DLG2: variants seen among roughly 807,000 people sequenced by gnomAD.
DLG2 encodes the protein discs large MAGUK scaffold protein 2.
A neutral mutation model predicts 132.5 loss-of-function variants in DLG2; 45 were observed. The ratio of observed to expected loss-of-function variants is 0.34; its 90% CI spans 0.27 to 0.44. The LOEUF is 0.44. DLG2 is among the 20% of genes least tolerant of loss of function. The probability of loss-of-function intolerance (pLI) is 1.00; values close to 1 mark genes in which losing one functional copy is unlikely to be tolerated. For synonymous variants in DLG2, 424 were observed against 419.6 expected, an observed-to-expected ratio of 1.01 and a Z score of -0.13; for missense variants, 1,045 against 1,196.9, an observed-to-expected ratio of 0.87 and a Z score of 1.87.
chr11:85,624,339 T>A (rs1343863522), intron 2 of DLG2, among the ~76,000 whole-genome samples: 1 of 152,194 alleles, frequency 6.6e-6, no homozygotes, highest in Non-Finnish European at 1.5e-5. Flanking sequence ...TTGACAAAAA[T>A]ATACTAACTA....
chr11:83,639,449 T>C (rs66758862), intron 18 of DLG2, among the ~76,000 whole-genome samples: 54,437 of 151,884 alleles, frequency 0.36, 10,791 homozygotes, highest in African/African-American at 0.53. Context: ...GAGTTCATGT[T>C]CTTTGCAGGG....
intron 3 of DLG2, among the ~76,000 whole-genome samples, chr11:85,469,882 C>G (rs561006906): frequency 6.6e-6 from 1 of 152,282 alleles, no homozygotes; most frequent in African/African-American, 2.4e-5. Flanking sequence ...ATATGACCCA[C>G]CTAAATCAAA....
At chr11:84,274,515 T>C (rs2154366482) in intron 7 of DLG2, among the ~76,000 whole-genome samples, 1 of 152,342 alleles carries the variant, frequency 6.6e-6, no homozygotes, top group South Asian at 2.1e-4. Flanking sequence ...CCCTGTATTA[T>C]TTTTGGAAGA....
chr11:84,612,306 A>AT (rs549453907), intron 6 of DLG2, among the ~76,000 whole-genome samples: 15 of 149,834 alleles, frequency 1.0e-4, no homozygotes, highest in East Asian at 9.7e-4. Context: ...AAGTGTCACA[A>AT]TTTTTTTTTT....
intron 15 of DLG2, among the ~76,000 whole-genome samples, chr11:83,877,665 T>C (rs924743059): frequency 1.3e-5 from 2 of 152,216 alleles, no homozygotes; most frequent in Admixed American, 6.5e-5. Context: ...TCTCCTAGCA[T>C]GTAGATTTGG....
chr11:83,724,476 T>TGTGTGAGAGA lies in DLG2; in HGVS notation c.1825+62213_1825+62214insTCTCTCACAC, dbSNP rs762050933. 6.3e-3 allele frequency among the ~76,000 whole-genome samples: 741 copies of TGTGTGAGAGA among 118,200 alleles called. 6 individuals carry two copies. The highest frequency in any genetic ancestry group is 0.024 in the Middle Eastern group (5 of 208). The allele number at this position is 118,200 out of a possible 152,430, so 77.5% of individuals were successfully genotyped here. A position where few individuals can be genotyped will look rare whatever the true frequency, so the allele number is the denominator to read the frequency against. ...CTCTCTCCGTGTGTGTGTGTGTGTG[T>TGTGTGAGAGA]GAGAGAGAGAGAGAGAGAGAGAGAG... On this transcript the variant is annotated intron_variant, in intron 18 of 27. Coordinates refer to ENST00000376104, the MANE Select transcript of DLG2 (RefSeq NM_001142699.3).
At chr11:85,125,109 C>T (rs544198605) in intron 5 of DLG2, among the ~76,000 whole-genome samples, 198 of 152,288 alleles carry the variant, frequency 1.3e-3, no homozygotes, top group African/African-American at 4.6e-3. Context: ...GGATTACAGG[C>T]GTGAGCCACC....
intron 7 of DLG2, among the ~76,000 whole-genome samples, chr11:84,377,967 A>C (rs2098735722): frequency 6.6e-6 from 1 of 152,216 alleles, no homozygotes; most frequent in South Asian, 2.1e-4. Flanking sequence ...AAGAGTCAGA[A>C]TAAAGATTCC....
chr11:85,131,917 G>C (rs892806278), intron 5 of DLG2, among the ~76,000 whole-genome samples: 34 of 152,170 alleles, frequency 2.2e-4, no homozygotes, highest in African/African-American at 7.9e-4. Flanking sequence ...AAAAAGATAT[G>C]GTTCAAATTA....
intron 7 of DLG2, among the ~76,000 whole-genome samples, chr11:84,430,208 C>G (rs1273367711): frequency 6.6e-6 from 1 of 152,016 alleles, no homozygotes; most frequent in Non-Finnish European, 1.5e-5. Flanking sequence ...GAGTCCAAGG[C>G]AGGTAGATCA....
Position 83,742,210 on chromosome 11 carries a change from A to AACACACACACAC in DLG2, c.1825+44468_1825+44479dup, listed in dbSNP as rs67195725. On this transcript the variant is annotated intron_variant, in intron 18 of 27. Coordinates refer to ENST00000376104, the MANE Select transcript of DLG2 (RefSeq NM_001142699.3). The stretch of plus-strand genomic sequence containing the variant: ...AGAGAGTAAATTTTACCACACTTTT[A>AACACACACACAC]ACACACACACACACACACACACACA... Among the ~76,000 whole-genome samples the AACACACACACAC allele has an allele frequency of 6.3e-3, 927 of 147,092 alleles. 12 individuals are homozygous for AACACACACACAC. Among genetic ancestry groups the AACACACACACAC allele is most frequent in the African/African-American group, 0.018 (734 of 39,974 alleles).
At chr11:85,039,774 C>A (rs1273063970) in intron 6 of DLG2, among the ~76,000 whole-genome samples, 1 of 151,812 alleles carries the variant, frequency 6.6e-6, no homozygotes, top group East Asian at 1.9e-4. Context: ...CACTATAAGC[C>A]CCTTGATGGT....
intron 3 of DLG2, among the ~76,000 whole-genome samples, chr11:85,294,342 C>T (rs2079091714): frequency 6.9e-6 from 1 of 144,890 alleles, no homozygotes; most frequent in African/African-American, 2.5e-5. Flanking sequence ...TATCCAGTAA[C>T]ATTTGTAAAA....
chr11:85,157,854 C>G (rs1396241147), intron 4 of DLG2, among the ~76,000 whole-genome samples: 1 of 152,028 alleles, frequency 6.6e-6, no homozygotes. Context: ...TCTGACGAAG[C>G]TTTTTTTGCC....
intron 7 of DLG2, among the ~76,000 whole-genome samples, chr11:84,330,193 G>A (rs1238913696): frequency 6.6e-6 from 1 of 152,100 alleles, no homozygotes; most frequent in Non-Finnish European, 1.5e-5. Flanking sequence ...AAATTCTGTA[G>A]TGCTTATGAA....
chr11:84,081,252 C>T (rs2154155306), intron 10 of DLG2, among the ~76,000 whole-genome samples: 1 of 152,156 alleles, frequency 6.6e-6, no homozygotes, highest in South Asian at 2.1e-4. Context: ...TGAGTCTTCA[C>T]AGGCCAATTC....
intron 6 of DLG2, among the ~76,000 whole-genome samples, chr11:84,854,007 C>T (rs1295064650): frequency 2.0e-5 from 3 of 151,956 alleles, no homozygotes; most frequent in Non-Finnish European, 4.4e-5. Flanking sequence ...TCCCTAACAG[C>T]CATGGAGGAT....
intron 6 of DLG2, among the ~76,000 whole-genome samples, chr11:84,864,015 A>G (rs1348606993): frequency 6.6e-6 from 1 of 152,236 alleles, no homozygotes; most frequent in East Asian, 1.9e-4. Flanking sequence ...GGTAATTTTA[A>G]TGAAATAGGC....
At chr11:85,222,403 T>C (rs2074706230) in intron 4 of DLG2, among the ~76,000 whole-genome samples, 2 of 152,282 alleles carry the variant, frequency 1.3e-5, no homozygotes, top group East Asian at 3.9e-4. Flanking sequence ...TGAGCATTAA[T>C]GGTGAAAAAA....
Sources: gnomAD v4.1 joint callset for allele counts (sites outside exome capture counted in the v4.1 genomes callset) on GRCh38, gnomAD v4.1.1 for gene constraint, MANE v1.5 for transcripts, NCBI Gene and HGNC (gene_info 2026-07-23, HGNC 2026-07-21) for gene names.